The following SOX6 variants were observed in gnomAD, a reference collection of about 807,000 sequenced individuals.
SOX6 encodes transcription factor SOX-6.
In SOX6, 11 loss-of-function variants were observed where a neutral mutation model predicts 97.8. The ratio of observed to expected loss-of-function variants is 0.11; its 90% CI spans 0.07 to 0.19. The LOEUF is 0.19. Among genes scored for constraint, SOX6 ranks in the 10% least tolerant of loss-of-function variants. The pLI, the probability that SOX6 is intolerant of heterozygous loss-of-function variation, is 1.00. For missense variants in SOX6, 810 were observed against 1,039.5 expected, an observed-to-expected ratio of 0.78 and a Z score of 3.04; for synonymous variants, 360 against 371.4, an observed-to-expected ratio of 0.97 and a Z score of 0.35.
chr11:16,472,165 A>G (rs953742217), intron 1 of SOX6, among the ~76,000 whole-genome samples: 1 of 152,228 alleles, frequency 6.6e-6, no homozygotes, highest in Non-Finnish European at 1.5e-5. Flanking sequence ...CCTTTGGGTG[A>G]TAAGAAATGT....
At chr11:16,577,629 T>G (rs1223903688) in intron 4 of SOX6, among the ~76,000 whole-genome samples, 1 of 152,214 alleles carries the variant, frequency 6.6e-6, no homozygotes, top group Non-Finnish European at 1.5e-5. Flanking sequence ...CTCCCTAGTA[T>G]GTGTGAAGTA....
At chr11:16,066,618 C>T (rs981730218) in intron 9 of SOX6, among the ~76,000 whole-genome samples, 1 of 152,106 alleles carries the variant, frequency 6.6e-6, no homozygotes, top group Admixed American at 6.5e-5. Context: ...AACTGGAGGT[C>T]ATTATGCCAA....
intron 1 of SOX6, among the ~76,000 whole-genome samples, chr11:16,438,265 T>C (rs939260019): frequency 6.6e-6 from 1 of 152,132 alleles, no homozygotes; most frequent in Non-Finnish European, 1.5e-5. Flanking sequence ...AGTGTAACCA[T>C]TTCCTATACA....
At chr11:16,728,426 G>C (rs188787136) in intron 2 of SOX6, among the ~76,000 whole-genome samples, 17 of 152,284 alleles carry the variant, frequency 1.1e-4, no homozygotes, top group African/African-American at 4.1e-4. Flanking sequence ...GCCAGTGATA[G>C]CCAGGCAAAC....
intron 1 of SOX6, among the ~76,000 whole-genome samples, chr11:16,379,627 G>C (rs1311585558): frequency 6.6e-6 from 1 of 152,132 alleles, no homozygotes; most frequent in Non-Finnish European, 1.5e-5. Context: ...GAGGAAAAAT[G>C]AGTACTCTTA....
chr11:16,415,761 C>T lies in SOX6; in HGVS notation c.-5+60554G>A, dbSNP rs1858913213. Among the ~76,000 whole-genome samples the T allele has an allele frequency of 3.3e-5, 5 of 152,036 alleles. No homozygotes were observed. In the South Asian group the frequency reaches 8.3e-4, roughly 25 times the overall value. On this transcript the variant is annotated intron_variant, in intron 1 of 15. Coordinates refer to the SOX6 transcript ENST00000396356. ...CACAGGCAGAATAAATGATCAATCA[C>T]GAGGGATACTAGCAAACTTCTAGAT...
intron 2 of SOX6, among the ~76,000 whole-genome samples, chr11:16,339,626 T>A (rs947761578): frequency 1.4e-4 from 21 of 152,038 alleles, no homozygotes; most frequent in African/African-American, 4.8e-4. Context: ...TTTGTGTATA[T>A]ATTTATTTAA....
chr11:16,502,678 AAAG>A (rs1243478963), intron 4 of SOX6, among the ~76,000 whole-genome samples: 2 of 152,174 alleles, frequency 1.3e-5, no homozygotes, highest in Non-Finnish European at 2.9e-5. Context: ...ATAAAGAAAA[AAAG>A]AACTTTTAAG....
At chr11:16,658,661 T>C (rs1264535282) in intron 3 of SOX6, among the ~76,000 whole-genome samples, 2 of 151,114 alleles carry the variant, frequency 1.3e-5, no homozygotes. Context: ...TGAGCCGAGA[T>C]CAAGCCACTG....
At chr11:16,576,898 GA>G (rs1420069433) in intron 4 of SOX6, 5 of 152,344 alleles carry the variant, frequency 3.3e-5, no homozygotes, top group African/African-American at 1.2e-4. Context: ...TCAGGAGGCT[GA>G]CATGGGAGGA....
chr11:16,569,894 G>A (rs906294345), intron 4 of SOX6, among the ~76,000 whole-genome samples: 7 of 118,588 alleles, frequency 5.9e-5, no homozygotes, highest in Admixed American at 5.6e-4. Flanking sequence ...AAGATATACT[G>A]TGCAGAAAAC....
intron 6 of SOX6, among the ~76,000 whole-genome samples, chr11:16,174,873 G>A (rs1218021363): frequency 6.6e-6 from 1 of 151,932 alleles, no homozygotes; most frequent in African/African-American, 2.4e-5. Flanking sequence ...GAATCTAATA[G>A]CAAAGCCCAT....
chr11:16,494,109 G>T (rs1475115433), intron 4 of SOX6, among the ~76,000 whole-genome samples: 1 of 152,166 alleles, frequency 6.6e-6, no homozygotes, highest in Non-Finnish European at 1.5e-5. Context: ...AGGCACTGTG[G>T]CTCATGCCTG....
Position 16,583,624 on chromosome 11 carries a change from T to C in SOX6, n.609+28457A>G, listed in dbSNP as rs975650333. Among the ~76,000 whole-genome samples, 39 of 138,846 alleles carry C rather than the reference T, an allele frequency of 2.8e-4. 2 individuals are homozygous for C. The highest frequency in any genetic ancestry group is 7.5e-4 in the African/African-American group (29 of 38,922). The allele number at this position is 138,846 out of a possible 152,430, so 91.1% of individuals were successfully genotyped here. ...ATGTGTATATATATACATATATATA[T>C]ATATATATATATACACATACACACA... On this transcript the variant is annotated intron_variant and non_coding_transcript_variant, in intron 4 of 5. Coordinates refer to the SOX6 transcript ENST00000524520.
At chr11:16,029,359 C>T (rs188375526) in intron 12 of SOX6, among the ~76,000 whole-genome samples, 480 of 152,222 alleles carry the variant, frequency 3.2e-3, no homozygotes, top group Non-Finnish European at 5.3e-3. Context: ...TAATGAGGGC[C>T]GGGCGTGGTG....
intron 3 of SOX6, among the ~76,000 whole-genome samples, chr11:16,239,000 A>C (rs1425088108): frequency 6.6e-6 from 1 of 152,102 alleles, no homozygotes. Flanking sequence ...AGTATCCATG[A>C]CCTTGGTTTA....
At chr11:16,039,766 GTTATC>G (rs1855609673) in intron 12 of SOX6, among the ~76,000 whole-genome samples, 1 of 151,906 alleles carries the variant, frequency 6.6e-6, no homozygotes, top group Non-Finnish European at 1.5e-5. Flanking sequence ...ATTTGTTATT[GTTATC>G]TTAAATATTT....
chr11:16,724,436 G>A (rs1379750693), intron 2 of SOX6, among the ~76,000 whole-genome samples: 2 of 151,612 alleles, frequency 1.3e-5, no homozygotes, highest in Admixed American at 1.3e-4. Context: ...TGTTTGTCAA[G>A]TTGGTGGTTC....
At chr11:16,074,377 C>T (rs1185587594) in intron 9 of SOX6, among the ~76,000 whole-genome samples, 1 of 151,926 alleles carries the variant, frequency 6.6e-6, no homozygotes, top group Non-Finnish European at 1.5e-5. Context: ...ATACAACTGC[C>T]AAAAATTGAA....
Sources: gnomAD v4.1 joint callset for allele counts (sites outside exome capture counted in the v4.1 genomes callset) on GRCh38, gnomAD v4.1.1 for gene constraint, MANE v1.5 for transcripts, NCBI Gene and HGNC (gene_info 2026-07-23, HGNC 2026-07-21) for gene names.